The following WDR49 variants were observed in gnomAD, a reference collection of about 807,000 sequenced individuals.
WDR49 encodes cilia- and flagella-associated protein 337.
WDR49 carries 107 observed loss-of-function variants against 119.5 expected under a neutral mutation model. That is an observed-to-expected ratio of 0.90 (90% CI 0.77 to 1.05). The LOEUF (loss-of-function observed/expected upper bound fraction) is 1.05. WDR49 is among the 50% of genes least tolerant of loss of function. The probability of loss-of-function intolerance (pLI) is 0.00; values close to 1 mark genes in which losing one functional copy is unlikely to be tolerated. For synonymous variants in WDR49, 425 were observed against 418.8 expected, an observed-to-expected ratio of 1.01 and a Z score of -0.18; for missense variants, 1,240 against 1,220.5, an observed-to-expected ratio of 1.02 and a Z score of -0.24.
intron 5 of WDR49, among the ~76,000 whole-genome samples, chr3:167,605,791 G>A (rs1308534110): frequency 2.0e-5 from 3 of 152,116 alleles, no homozygotes; most frequent in African/African-American, 7.2e-5. Flanking sequence ...TATCTCATAG[G>A]TAAAGAAATA....
intron 8 of WDR49, among the ~76,000 whole-genome samples, chr3:167,568,204 A>T (rs1048326928): frequency 6.6e-6 from 1 of 151,974 alleles, no homozygotes; most frequent in African/African-American, 2.4e-5. Flanking sequence ...GTGTCTGGGA[A>T]CTCATTTGCA....
At chr3:167,605,818 G>A (rs1307846729) in intron 5 of WDR49, among the ~76,000 whole-genome samples, 1 of 152,170 alleles carries the variant, frequency 6.6e-6, no homozygotes, top group Non-Finnish European at 1.5e-5. Flanking sequence ...CATCCACACA[G>A]TTTCAGTGAT....
intron 18 of WDR49, among the ~76,000 whole-genome samples, chr3:167,479,941 G>A (rs992377103): frequency 6.6e-6 from 1 of 151,726 alleles, no homozygotes; most frequent in South Asian, 2.1e-4. Flanking sequence ...ATAAAGCATG[G>A]AAAAAAAGGC....
In WDR49 at chr3:167,575,372, C is replaced by A. The variant is rs10451921; in HGVS notation, c.1509+546G>T. On this transcript the variant is annotated intron_variant, in intron 8 of 18. Transcript: ENST00000682715. Reference sequence around the variant, plus strand: ...GTAGTGGTCCCCTAAGCCAAGGCTGCGGAGCGTCATTAAACTGGTGGGGAG... The same window carrying A: ...GTAGTGGTCCCCTAAGCCAAGGCTGAGGAGCGTCATTAAACTGGTGGGGAG... 4.5e-3 allele frequency: 3,831 copies of A among 842,432 alleles called. 115 individuals are homozygous for A. In the African/African-American group the frequency reaches 0.066, roughly 15 times the overall value. 52.2% of individuals were successfully genotyped at this position (842,432 alleles called of 1,614,324 possible). A position where few individuals can be genotyped will look rare whatever the true frequency, so the allele number is the denominator to read the frequency against.
In WDR49 at chr3:167,647,201, T is replaced by C. The variant is rs1718167871; in HGVS notation, c.165+6060A>G. On this transcript the variant is annotated intron_variant, in intron 2 of 18. Coordinates refer to ENST00000682715, the MANE Select transcript of WDR49 (RefSeq NM_001366157.1). ...CATGAACAGCAGTAGACATCTTTGC[T>C]TTCTTTCTCCCTCCCTCCTCTGTAA... is the stretch of plus-strand genomic sequence containing the variant. Among the ~76,000 whole-genome samples the C allele has an allele frequency of 2.6e-5, 4 of 152,320 alleles. No homozygotes were observed. The South Asian group carries it at 8.3e-4, about 32-fold the overall frequency.
chr3:167,552,556 GA>G (rs1377205802), intron 10 of WDR49, among the ~76,000 whole-genome samples: 1 of 151,960 alleles, frequency 6.6e-6, no homozygotes, highest in African/African-American at 2.4e-5. Flanking sequence ...AAACAAAAGA[GA>G]AAAAGCACGT....
At chr3:167,586,900 G>C (rs1714847157) in intron 7 of WDR49, among the ~76,000 whole-genome samples, 1 of 151,956 alleles carries the variant, frequency 6.6e-6, no homozygotes, top group Non-Finnish European at 1.5e-5. Flanking sequence ...TTTTTCACTT[G>C]CTTTTACGTT....
intron 5 of WDR49, among the ~76,000 whole-genome samples, chr3:167,606,305 C>T (rs1033921505): frequency 3.9e-5 from 6 of 152,078 alleles, no homozygotes; most frequent in African/African-American, 1.2e-4. Context: ...TAAAATATCA[C>T]GATTTTGAGA....
At chr3:167,562,020 T>C (rs1713296046) in intron 8 of WDR49, among the ~76,000 whole-genome samples, 1 of 151,746 alleles carries the variant, frequency 6.6e-6, no homozygotes, top group African/African-American at 2.4e-5. Flanking sequence ...ATCAAATGAG[T>C]AGGCAAGCTG....
Position 167,518,303 on chromosome 3 carries a change from C to T in WDR49, c.2774+4012G>A, listed in dbSNP as rs1472824526. On this transcript the variant is annotated intron_variant, in intron 16 of 18. Transcript: ENST00000682715. Reference sequence around the variant, plus strand: ...TTCTAGTTCTAGATCCCTGAGGAATCGCCACACTGACTTCCACAATGGTTG... The same window carrying T: ...TTCTAGTTCTAGATCCCTGAGGAATTGCCACACTGACTTCCACAATGGTTG... 3.3e-5 allele frequency among the ~76,000 whole-genome samples: 5 copies of T among 151,618 alleles called. No individual in the cohort carries two copies. In the East Asian group the frequency reaches 5.8e-4, roughly 18 times the overall value.
intron 8 of WDR49, among the ~76,000 whole-genome samples, chr3:167,567,599 T>C (rs564283009): frequency 6.6e-6 from 1 of 152,324 alleles, no homozygotes; most frequent in South Asian, 2.1e-4. Context: ...ACGTTCTCTC[T>C]ACTCTGATTC....
intron 2 of WDR49, among the ~76,000 whole-genome samples, chr3:167,640,446 C>T (rs551444710): frequency 2.0e-5 from 3 of 152,054 alleles, no homozygotes; most frequent in South Asian, 4.1e-4. Flanking sequence ...GTCTCAATTT[C>T]TTCACCTCCA....
At chr3:167,509,894 A>T (rs1319006809) in intron 16 of WDR49, among the ~76,000 whole-genome samples, 1 of 152,144 alleles carries the variant, frequency 6.6e-6, no homozygotes, top group Non-Finnish European at 1.5e-5. Context: ...CCTACTGCAT[A>T]TTTTTGAGCG....
chr3:167,614,101 C>T (rs1042260477), intron 5 of WDR49, among the ~76,000 whole-genome samples: 1 of 152,152 alleles, frequency 6.6e-6, no homozygotes, highest in Non-Finnish European at 1.5e-5. Flanking sequence ...CTTGTCCCCC[C>T]TCCTGCGTCC....
chr3:167,505,455 C>A, intron 16 of WDR49, 39 bp from the exon 17 acceptor site: 1 of 1,470,366 alleles, frequency 6.8e-7, no homozygotes, highest in South Asian at 1.4e-5. Context: ...CATTATTAAC[C>A]ACAGGGATGG....
chr3:167,544,884 A>G (rs55910523), intron 10 of WDR49, among the ~76,000 whole-genome samples: 2,629 of 152,216 alleles, frequency 0.017, 66 homozygotes, highest in African/African-American at 0.058. Context: ...AGCAAAAGAC[A>G]TTATCAGCAG....
chr3:167,604,473 TA>T lies in WDR49; in HGVS notation c.959-6del. On this transcript the variant is annotated splice_region_variant and splice_polypyrimidine_tract_variant and intron_variant, in intron 5 of 18. Coordinates refer to ENST00000682715, the MANE Select transcript of WDR49 (RefSeq NM_001366157.1). ...CTAAAGATGCATTGTAAGTAACTGA[TA>T]AAAAATTAAAAAGAGAAAAACAATC... The T allele has an allele frequency of 6.3e-7, 1 of 1,582,030 alleles. No individual in the cohort carries two copies. Among genetic ancestry groups the T allele is most frequent in the Non-Finnish European group, 8.6e-7 (1 of 1,165,344 alleles).
intron 2 of WDR49, among the ~76,000 whole-genome samples, chr3:167,644,070 T>G (rs1389292091): frequency 1.3e-5 from 2 of 151,474 alleles, no homozygotes; most frequent in Non-Finnish European, 3.0e-5. Flanking sequence ...TTTTTTTTTT[T>G]TTTGGATTTC....
At chr3:167,480,501 A>T (rs1051968959) in intron 18 of WDR49, among the ~76,000 whole-genome samples, 1 of 152,190 alleles carries the variant, frequency 6.6e-6, no homozygotes, top group African/African-American at 2.4e-5. Context: ...AAAACTTTCC[A>T]CTTCCAGTGT....
Sources: allele counts gnomAD v4.1 joint callset (sites outside exome capture counted in the v4.1 genomes callset), GRCh38; gene constraint gnomAD v4.1.1; transcripts MANE v1.5; gene names NCBI Gene and HGNC (gene_info 2026-07-23, HGNC 2026-07-21).